ITSN1: variants seen among roughly 807,000 people sequenced by gnomAD.
ITSN1 encodes intersectin-1.
In ITSN1, 58 loss-of-function variants were observed where a neutral mutation model predicts 239.8. That is an observed-to-expected ratio of 0.24 (90% CI 0.20 to 0.30). The LOEUF (loss-of-function observed/expected upper bound fraction) is 0.30, where lower values mean the gene tolerates loss of function less well. Among genes scored for constraint, ITSN1 ranks in the 10% least tolerant of loss-of-function variants. The pLI, the probability that ITSN1 is intolerant of heterozygous loss-of-function variation, is 1.00. For synonymous variants in ITSN1, 780 were observed against 770.8 expected (o/e 1.01, Z -0.20); for missense variants, 1,558 against 2,103.3 (o/e 0.74, Z 5.07).
At chr21:33,700,401 T>C (rs1031962603) in intron 1 of ITSN1, among the ~76,000 whole-genome samples, 1 of 152,040 alleles carries the variant, frequency 6.6e-6, no homozygotes, top group Non-Finnish European at 1.5e-5. Context: ...TGTTTAAATA[T>C]GAAGATGAAG....
intron 1 of ITSN1, among the ~76,000 whole-genome samples, chr21:33,689,824 C>T (rs532866629): frequency 4.6e-5 from 7 of 151,598 alleles, no homozygotes; most frequent in Non-Finnish European, 7.4e-5. Flanking sequence ...AAAAGTTAGC[C>T]GGGCATGGTG....
chr21:33,799,493 A>G (rs985756156), intron 18 of ITSN1, among the ~76,000 whole-genome samples: 1 of 152,162 alleles, frequency 6.6e-6, no homozygotes, highest in Non-Finnish European at 1.5e-5. Context: ...GATGCTTTAC[A>G]GATCTGCACT....
chr21:33,659,421 A>G (rs1344950017), intron 1 of ITSN1, among the ~76,000 whole-genome samples: 1 of 152,184 alleles, frequency 6.6e-6, no homozygotes, highest in African/African-American at 2.4e-5. Flanking sequence ...GCCTGGCAGA[A>G]GTGCAAGACT....
In ITSN1 at chr21:33,892,186, T is replaced by G. The variant is rs2148584842; in HGVS notation, c.*3886T>G. On this transcript the variant is annotated 3_prime_UTR_variant, in exon 40 of 40. Coordinates refer to ENST00000381318, the MANE Select transcript of ITSN1 (RefSeq NM_003024.3). ...ACAAAGGCACCTGGATTGCTTTGTT[T>G]TGCTTTTAGATAAAAGAGCTTTAGC... is the stretch of plus-strand genomic sequence containing the variant. The G allele has an allele frequency of 6.6e-6, 1 of 152,358 alleles. No homozygotes were observed. The highest frequency in any genetic ancestry group is 2.4e-5 in the African/African-American group (1 of 41,572). 9.4% of individuals were successfully genotyped at this position (152,358 alleles called of 1,614,324 possible). A position where few individuals can be genotyped will look rare whatever the true frequency, so the allele number is the denominator to read the frequency against.
At chr21:33,886,956 G>A (rs1336328318) in intron 39 of ITSN1, among the ~76,000 whole-genome samples, 1 of 152,102 alleles carries the variant, frequency 6.6e-6, no homozygotes, top group African/African-American at 2.4e-5. Flanking sequence ...TTCTGTTTCT[G>A]CTTGGGCCTG....
intron 36 of ITSN1, 76 bp downstream of exon 36, chr21:33,883,747 C>T: frequency 6.5e-7 from 1 of 1,545,254 alleles, no homozygotes; most frequent in Non-Finnish European, 8.8e-7. Flanking sequence ...GGTGATTAAT[C>T]AGGTGCCAAT....
intron 14 of ITSN1, among the ~76,000 whole-genome samples, chr21:33,777,096 A>T (rs1477536879): frequency 1.3e-5 from 2 of 152,140 alleles, no homozygotes; most frequent in African/African-American, 2.4e-5. Context: ...TAAGTTTCAT[A>T]GTTGTATCTT....
At chr21:33,708,913 CTT>C (rs1033875668) in intron 1 of ITSN1, among the ~76,000 whole-genome samples, 5 of 152,122 alleles carry the variant, frequency 3.3e-5, no homozygotes, top group African/African-American at 1.2e-4. Context: ...TGTTGAAAGA[CTT>C]TTTTCCTCCA....
intron 30 of ITSN1, among the ~76,000 whole-genome samples, 158 bp downstream of exon 30, chr21:33,857,015 G>A (rs1459075022): frequency 2.0e-5 from 3 of 152,214 alleles, no homozygotes; most frequent in Admixed American, 1.3e-4. Context: ...GATTGCGACC[G>A]CAGAGACGGT....
chr21:33,834,105 C>T (rs766828208), intron 27 of ITSN1, among the ~76,000 whole-genome samples: 13 of 152,128 alleles, frequency 8.5e-5, no homozygotes, highest in Non-Finnish European at 1.8e-4. Flanking sequence ...ACATTCTGGG[C>T]TTTGCTGACC....
At chr21:33,794,665 G>A (rs751904059) in intron 17 of ITSN1, among the ~76,000 whole-genome samples, 197 bp downstream of exon 17, 1 of 152,160 alleles carries the variant, frequency 6.6e-6, no homozygotes, top group African/African-American at 2.4e-5. Flanking sequence ...TTTTTGGTTG[G>A]TTCCCAGAGC....
Position 33,895,441 on chromosome 21 carries a change from ATGTG to A in ITSN1, c.*7143_*7146del, listed in dbSNP as rs1237918880. The A allele has an allele frequency of 1.1e-5, 1 of 94,450 alleles. No homozygotes were observed. Among genetic ancestry groups the A allele is most frequent in the Admixed American group, 1.1e-4 (1 of 9,036 alleles). The allele number at this position is 94,450 out of a possible 1,614,324, so 5.9% of individuals were successfully genotyped here. ...CGTGTTTGTGCGTGCGTGTGCATGT[ATGTG>A]TTTGTGCGTGCACGTGTGCGTGTGT... On this transcript the variant is annotated 3_prime_UTR_variant, in exon 40 of 40. Coordinates refer to ENST00000381318, the MANE Select transcript of ITSN1 (RefSeq NM_003024.3).
At chr21:33,809,868 ACTGCAACCTCCGT>A (rs1353954807) in intron 20 of ITSN1, among the ~76,000 whole-genome samples, 1 of 152,166 alleles carries the variant, frequency 6.6e-6, no homozygotes, top group Non-Finnish European at 1.5e-5. Flanking sequence ...ATCTCAGCTC[ACTGCAACCTCCGT>A]CTCCTGGGTT....
chr21:33,805,978 C>T (rs1219889682), intron 20 of ITSN1, among the ~76,000 whole-genome samples: 4 of 141,522 alleles, frequency 2.8e-5, no homozygotes, highest in Non-Finnish European at 6.0e-5. Flanking sequence ...CCGATGTGGG[C>T]GGATCACAAG....
At chr21:33,815,162 G>T (rs1258271286) in intron 22 of ITSN1, among the ~76,000 whole-genome samples, 1 of 152,192 alleles carries the variant, frequency 6.6e-6, no homozygotes, top group Non-Finnish European at 1.5e-5. Flanking sequence ...TGGGATTATA[G>T]ATTGGAGCCA....
intron 9 of ITSN1, 27 bp from the exon 10 acceptor site, chr21:33,765,848 G>C: frequency 6.2e-7 from 1 of 1,612,566 alleles, no homozygotes; most frequent in Non-Finnish European, 8.5e-7. Flanking sequence ...CATGAAACCG[G>C]ATTACAGTTA....
chr21:33,693,354 T>G (rs187622761), intron 1 of ITSN1, among the ~76,000 whole-genome samples: 316 of 151,574 alleles, frequency 2.1e-3, no homozygotes, highest in Non-Finnish European at 3.5e-3. Flanking sequence ...TTTGTTTTGT[T>G]TTTTTTGGTG....
chr21:33,875,467 C>T lies in ITSN1; in HGVS notation c.4287C>T (p.Asn1429=). The change falls in exon 34 of 40, where the codon AAC becomes AAT. Residue 1429 remains asparagine, a synonymous_variant. Transcript: ENST00000381318. ...ACGAAGGGGTGCGGGAGAAGGAGAA[C>T]TCTGACCGGCTGGAGTGGATCCAGG... ...QVNEGVREKE[N]SDRLEWIQAH... 6.2e-7 allele frequency: 1 copy of T among 1,614,174 alleles called. No individual in the cohort carries two copies. Among genetic ancestry groups the T allele is most frequent in the Non-Finnish European group, 8.5e-7 (1 of 1,180,034 alleles).
chr21:33,776,544 CAAAAAA>C (rs34789155), intron 14 of ITSN1, among the ~76,000 whole-genome samples: 20 of 88,798 alleles, frequency 2.3e-4, no homozygotes, highest in Admixed American at 5.3e-4. Flanking sequence ...AGACCCTGTT[CAAAAAA>C]AAAAAAAAAA....
Sources: gnomAD v4.1 joint callset for allele counts (sites outside exome capture counted in the v4.1 genomes callset) on GRCh38, gnomAD v4.1.1 for gene constraint, MANE v1.5 for transcripts, NCBI Gene and HGNC (gene_info 2026-07-23, HGNC 2026-07-21) for gene names.